The following KCTD5 variants were observed in gnomAD, a reference collection of about 807,000 sequenced individuals.
KCTD5 encodes the protein BTB/POZ domain-containing protein KCTD5.
A neutral mutation model predicts 27.9 loss-of-function variants in KCTD5; 12 were observed. The ratio of observed to expected loss-of-function variants is 0.43; its 90% CI spans 0.28 to 0.70. The LOEUF is 0.70. KCTD5 is among the 30% of genes least tolerant of loss of function. The probability of loss-of-function intolerance (pLI) is 0.19; values close to 1 mark genes in which losing one functional copy is unlikely to be tolerated. For missense variants in KCTD5, 226 were observed against 274.8 expected (o/e 0.82, Z 1.26); for synonymous variants, 147 against 121.4 (o/e 1.21, Z -1.39).
chr16:2,693,993 A>C (rs1596222514), intron 1 of KCTD5, among the ~76,000 whole-genome samples: 3 of 140,002 alleles, frequency 2.1e-5, no homozygotes, highest in South Asian at 2.5e-4. Flanking sequence ...ATCTTTCCTG[A>C]CCTCCTGCCA....
chr16:2,702,250 T>C (rs1179077854), intron 4 of KCTD5, 103 bp from the exon 5 acceptor site: 3 of 1,443,152 alleles, frequency 2.1e-6, no homozygotes, highest in Middle Eastern at 1.8e-4. Context: ...CAGTCTTTGC[T>C]GTGGCTTTCG....
At chr16:2,691,971 G>A (rs1300121340) in intron 1 of KCTD5, among the ~76,000 whole-genome samples, 3 of 152,210 alleles carry the variant, frequency 2.0e-5, no homozygotes, top group African/African-American at 4.8e-5. Context: ...TTCCTGGGGC[G>A]TGCGGTTCCC....
intron 1 of KCTD5, among the ~76,000 whole-genome samples, chr16:2,687,912 G>A (rs2067547618): frequency 6.6e-6 from 1 of 152,090 alleles, no homozygotes; most frequent in South Asian, 2.1e-4. Flanking sequence ...AGTTCTCCAT[G>A]GACTGCAGAA....
At chr16:2,693,316 A>G (rs2067575148) in intron 1 of KCTD5, among the ~76,000 whole-genome samples, 1 of 152,198 alleles carries the variant, frequency 6.6e-6, no homozygotes, top group Admixed American at 6.5e-5. Flanking sequence ...CAGCAGCTGC[A>G]CCAGTTGGCC....
chr16:2,698,324 ATCT>A (rs2067595691), intron 3 of KCTD5, among the ~76,000 whole-genome samples: 1 of 152,248 alleles, frequency 6.6e-6, no homozygotes, highest in Non-Finnish European at 1.5e-5. Context: ...GGTGGATGGC[ATCT>A]GGTAGGGAGC....
chr16:2,690,468 G>A (rs1483661917), intron 1 of KCTD5, among the ~76,000 whole-genome samples: 3 of 152,268 alleles, frequency 2.0e-5, no homozygotes, highest in Non-Finnish European at 4.4e-5. Context: ...AATTCAGTGA[G>A]ACGCGGGGAA....
intron 5 of KCTD5, among the ~76,000 whole-genome samples, chr16:2,705,959 GCTA>G (rs2142060396): frequency 6.6e-6 from 1 of 152,280 alleles, no homozygotes; most frequent in Admixed American, 6.5e-5. Context: ...TGTCCGCTGC[GCTA>G]CTTAGTTTTA....
chr16:2,687,350 A>C (rs1180704694), intron 1 of KCTD5, among the ~76,000 whole-genome samples: 1 of 152,208 alleles, frequency 6.6e-6, no homozygotes, highest in East Asian at 1.9e-4. Context: ...GGTCTTCGGC[A>C]TTCTCGCCTC....
intron 1 of KCTD5, among the ~76,000 whole-genome samples, chr16:2,690,796 G>C (rs546699505): frequency 6.6e-6 from 1 of 152,278 alleles, no homozygotes; most frequent in Non-Finnish European, 1.5e-5. Context: ...TGGCCCAGAC[G>C]CTGTTCTAAA....
chr16:2,693,630 A>C (rs967781617), intron 1 of KCTD5, among the ~76,000 whole-genome samples: 1 of 151,932 alleles, frequency 6.6e-6, no homozygotes, highest in Non-Finnish European at 1.5e-5. Flanking sequence ...TCCTGCCTTC[A>C]TCCTTCCAGT....
intron 4 of KCTD5, 81 bp from the exon 5 acceptor site, chr16:2,702,272 G>T: frequency 6.4e-7 from 1 of 1,566,382 alleles, no homozygotes; most frequent in Admixed American, 1.8e-5. Context: ...GGTGGCAGGC[G>T]CGTCCTGAGG....
chr16:2,683,596 TG>T, intron 1 of KCTD5: 1 of 148,634 alleles, frequency 6.7e-6, no homozygotes, highest in Non-Finnish European at 1.5e-5. Flanking sequence ...AGAAACCTTT[TG>T]CTACCTTTAT....
intron 4 of KCTD5, 48 bp downstream of exon 4, chr16:2,699,964 T>G (rs747183843): frequency 3.9e-6 from 6 of 1,543,462 alleles, no homozygotes; most frequent in African/African-American, 1.4e-5. Flanking sequence ...CAGCTGAACT[T>G]GTGCTCACAA....
At chr16:2,688,333 C>T (rs2067551454) in intron 1 of KCTD5, among the ~76,000 whole-genome samples, 1 of 151,288 alleles carries the variant, frequency 6.6e-6, no homozygotes, top group South Asian at 2.1e-4. Context: ...TCACTGCAAC[C>T]TCTGCCTCCT....
At chr16:2,702,542 A>C in intron 5 of KCTD5, 64 bp downstream of exon 5, 1 of 1,567,334 alleles carries the variant, frequency 6.4e-7, no homozygotes. Flanking sequence ...GCCCTCTCAG[A>C]CCTTCCTCCT....
intron 1 of KCTD5, among the ~76,000 whole-genome samples, chr16:2,693,012 GGGCTGCA>G (rs2067573429): frequency 6.6e-6 from 1 of 152,262 alleles, no homozygotes; most frequent in Non-Finnish European, 1.5e-5. Context: ...GCGAACCCCA[GGGCTGCA>G]GCCCCAGGCA....
At chr16:2,691,136 C>T (rs1221932527) in intron 1 of KCTD5, among the ~76,000 whole-genome samples, 1 of 152,208 alleles carries the variant, frequency 6.6e-6, no homozygotes, top group Non-Finnish European at 1.5e-5. Context: ...AGACCCGAAC[C>T]CTGGTGGGAT....
At chr16:2,706,753 C>T (rs1348854141) in intron 5 of KCTD5, among the ~76,000 whole-genome samples, 1 of 151,808 alleles carries the variant, frequency 6.6e-6, no homozygotes, top group African/African-American at 2.4e-5. Flanking sequence ...GTGATCTGCA[C>T]TTGGGGTAGG....
intron 5 of KCTD5, among the ~76,000 whole-genome samples, chr16:2,702,712 C>T (rs1168811197): frequency 2.0e-5 from 3 of 152,168 alleles, no homozygotes; most frequent in African/African-American, 7.2e-5. Context: ...GAAGGGGCCC[C>T]AGGCCTGCTG....
Sources: allele counts gnomAD v4.1 joint callset (sites outside exome capture counted in the v4.1 genomes callset), GRCh38; gene constraint gnomAD v4.1.1; transcripts MANE v1.5; gene names NCBI Gene and HGNC (gene_info 2026-07-23, HGNC 2026-07-21).